ARHGAP30: variants seen among roughly 807,000 people sequenced by gnomAD.
ARHGAP30 encodes Rho GTPase activating protein 30.
A neutral mutation model predicts 72.0 loss-of-function variants in ARHGAP30; 23 were observed. That is an observed-to-expected ratio of 0.32 (90% CI 0.23 to 0.45). The LOEUF (loss-of-function observed/expected upper bound fraction) is 0.45, where lower values mean the gene tolerates loss of function less well. Among genes scored for constraint, ARHGAP30 ranks in the 20% least tolerant of loss-of-function variants. The probability of loss-of-function intolerance (pLI) is 1.00; values close to 1 mark genes in which losing one functional copy is unlikely to be tolerated. For missense variants in ARHGAP30, 1,319 were observed against 1,383.4 expected (o/e 0.95, Z 0.74); for synonymous variants, 576 against 528.2 (o/e 1.09, Z -1.24).
chr1:161,052,687 C>T lies in ARHGAP30; in HGVS notation c.775G>A (p.Ala259Thr). ...LPYHLPSILQ[A>T]GDGPPQMRPY... is the part of the protein sequence containing the mutation. ...CGCATCTGTGGGGGTCCATCGCCAGCCTGCAGTATGCTAGGCAGGTGATAA... is the reference window on the plus strand; with the variant it reads ...CGCATCTGTGGGGGTCCATCGCCAGTCTGCAGTATGCTAGGCAGGTGATAA... The change falls in exon 7 of 12, where the codon GCT becomes ACT. Residue 259 changes from alanine to threonine, a missense_variant. Ala to Thr is a moderately conservative substitution (Grantham distance 58). This residue lies in a region of ARHGAP30 where 222 missense variants were observed against 338.2 expected (regional missense o/e 0.66). Coordinates refer to ENST00000368013, the MANE Select transcript of ARHGAP30 (RefSeq NM_001025598.2). The T allele has an allele frequency of 6.2e-7, 1 of 1,613,676 alleles. No homozygotes were observed. Among genetic ancestry groups the T allele is most frequent in the Non-Finnish European group, 8.5e-7 (1 of 1,179,990 alleles).
At chr1:161,063,865 G>C (rs1166987091) in intron 1 of ARHGAP30, among the ~76,000 whole-genome samples, 1 of 152,110 alleles carries the variant, frequency 6.6e-6, no homozygotes, top group Non-Finnish European at 1.5e-5. Flanking sequence ...ATAAACTCCA[G>C]TCTCCCATAG....
At chr1:161,053,471 T>TCTCTCTCTCTCC (rs1651580695) in intron 5 of ARHGAP30, 86 bp from the exon 6 acceptor site, 1 of 886,558 alleles carries the variant, frequency 1.1e-6, no homozygotes, top group Admixed American at 3.4e-5. Context: ...ATTCTCTCTC[T>TCTCTCTCTCTCC]CTCTCTCTCT....
chr1:161,048,603 C>A lies in ARHGAP30; in HGVS notation c.2418G>T (p.Gly806=), dbSNP rs1651070265. Residue 806 remains glycine (G), a synonymous_variant, in exon 12 of 12, where the codon GGG becomes GGT. Transcript: ENST00000368013. ...CTTGGTCTTTTCTTGCTTCATGGTA[C>A]CCCTTCTCCCTCTGTCCTTTGTCCT... The part of the protein sequence containing the change: ...EDEDKGQREK[G]YHEARKDQGD... The A allele has an allele frequency of 6.2e-7, 1 of 1,613,814 alleles. No homozygotes were observed. Among genetic ancestry groups the A allele is most frequent in the African/African-American group, 1.3e-5 (1 of 74,822 alleles).
chr1:161,051,344 G>C lies in ARHGAP30; in HGVS notation c.1390C>G (p.Pro464Ala). ...HRPSPASGPG[P>A]GPGLGPGPPD... ...GGGCCAGGGCCAAGGCCAGGGCCAG[G>C]GCCAGGGCCAGAGGCAGGGCTTGGC... is the stretch of plus-strand genomic sequence containing the variant. The change falls in exon 10 of 12, where the codon CCT becomes GCT. Residue 464 changes from proline to alanine, a missense_variant. By Grantham distance (27) the Pro-to-Ala change is conservative. This residue lies in a region of ARHGAP30 where 1,097 missense variants were observed against 1,045.2 expected (regional missense o/e 1.05). Coordinates refer to ENST00000368013, the MANE Select transcript of ARHGAP30 (RefSeq NM_001025598.2). 5.0e-6 allele frequency: 8 copies of C among 1,610,530 alleles called. No individual in the cohort carries two copies. The highest frequency in any genetic ancestry group is 6.8e-6 in the Non-Finnish European group (8 of 1,178,188).
intron 7 of ARHGAP30, 39 bp from the exon 8 acceptor site, chr1:161,052,582 T>C (rs374312502): frequency 6.2e-7 from 1 of 1,613,878 alleles, no homozygotes; most frequent in Non-Finnish European, 8.5e-7. Context: ...GGTTGGAACA[T>C]GAAGGTCGGT....
Position 161,052,616 on chromosome 1 carries a change from G to C in ARHGAP30, c.836+10C>G, listed in dbSNP as rs1173104851. 1.9e-6 allele frequency: 3 copies of C among 1,613,818 alleles called. No homozygotes were observed. Among genetic ancestry groups the C allele is most frequent in the African/African-American group, 2.7e-5 (2 of 75,026 alleles). ...GTGCAGGGGAGGAAGGCCCAGGAAG[G>C]AGGCCTTACTTGTGCTCTGCAATCT... On this transcript the variant is annotated intron_variant, in intron 7 of 11. Coordinates refer to ENST00000368013, the MANE Select transcript of ARHGAP30 (RefSeq NM_001025598.2).
intron 3 of ARHGAP30, 56 bp downstream of exon 3, chr1:161,056,332 A>C: frequency 6.3e-7 from 1 of 1,586,306 alleles, no homozygotes; most frequent in Non-Finnish European, 8.6e-7. Flanking sequence ...TGGGATGTCA[A>C]AACCAGGCTG....
chr1:161,066,644 CAAA>C (rs60662116), intron 1 of ARHGAP30, among the ~76,000 whole-genome samples: 18 of 75,078 alleles, frequency 2.4e-4, no homozygotes, highest in African/African-American at 1.1e-3. Context: ...GACTGCATCT[CAAA>C]AAAAAAAAAA....
intron 2 of ARHGAP30, among the ~76,000 whole-genome samples, chr1:161,058,075 C>G (rs373923442): frequency 5.6e-4 from 85 of 151,840 alleles, no homozygotes; most frequent in African/African-American, 1.9e-3. Flanking sequence ...CGCTTGAACC[C>G]GCAAGGTGGA....
At chr1:161,053,658 T>C (rs972591551) in intron 5 of ARHGAP30, among the ~76,000 whole-genome samples, 1 of 152,182 alleles carries the variant, frequency 6.6e-6, no homozygotes, top group African/African-American at 2.4e-5. Flanking sequence ...GTGTCTAGTT[T>C]ATAATGAATT....
In ARHGAP30 at chr1:161,048,769, T is replaced by C. The variant is rs766298821; in HGVS notation, c.2252A>G (p.Glu751Gly). Residue 751 changes from glutamate (E) to glycine (G), a missense_variant, in exon 12 of 12, where the codon GAG becomes GGG. By Grantham distance (98) the Glu-to-Gly change is moderately conservative. Around this residue, in one of 2 missense-constraint regions of ARHGAP30, gnomAD observed 1,097 missense variants for 1,045.2 expected, o/e 1.05. Transcript: ENST00000368013. The stretch of plus-strand genomic sequence containing the variant: ...CTCTCTTTGTTCATCCTCTTCTCTC[T>C]CAATTTCTTTTTCCTTCTCATCTGT... The part of the protein sequence containing the change: ...EYTDEKEKEI[E>G]REEDEQREEA... 16 of 1,614,058 alleles carry C rather than the reference T, an allele frequency of 9.9e-6. No homozygotes were observed. Among genetic ancestry groups the C allele is most frequent in the Non-Finnish European group, 1.3e-5 (15 of 1,180,006 alleles).
At chr1:161,049,362 C>G in intron 11 of ARHGAP30, 28 bp from the exon 12 acceptor site, 1 of 1,603,414 alleles carries the variant, frequency 6.2e-7, no homozygotes, top group Non-Finnish European at 8.5e-7. Context: ...TGACTCAGGA[C>G]CAGGAGGCCC....
Position 161,052,002 on chromosome 1 carries a change from AC to A in ARHGAP30, c.1018+283del, listed in dbSNP as rs779573306. On this transcript the variant is annotated intron_variant, in intron 9 of 11. Transcript: ENST00000368013. Reference sequence around the variant, plus strand: ...CACCACCACCACCACCACCACCACCACCACCACCACCACCACCACCACCACC... The same window carrying A: ...CACCACCACCACCACCACCACCACCACACCACCACCACCACCACCACCACC... 1.2e-3 allele frequency among the ~76,000 whole-genome samples: 44 copies of A among 36,454 alleles called. 2 individuals are homozygous for A. The highest frequency in any genetic ancestry group is 4.3e-3 in the South Asian group (3 of 700). 23.9% of individuals were successfully genotyped at this position (36,454 alleles called of 152,430 possible). A position where few individuals can be genotyped will look rare whatever the true frequency, so the allele number is the denominator to read the frequency against.
At position 161,049,565 on chromosome 1, in the gene ARHGAP30, G is replaced by C. The variant is rs1325525835; in HGVS notation, c.1545C>G (p.Asp515Glu). 6.2e-7 allele frequency: 1 copy of C among 1,614,132 alleles called. No homozygotes were observed. The highest frequency in any genetic ancestry group is 1.1e-5 in the South Asian group (1 of 91,080). Residue 515 changes from aspartate (D) to glutamate (E), a missense_variant, in exon 11 of 12, where the codon GAC becomes GAG. Coordinates refer to ENST00000368013, the MANE Select transcript of ARHGAP30 (RefSeq NM_001025598.2). ...CCCACTCAGGTTCTGAGCTGCTTGA[G>C]TCCTCTAGGAAGGAGAAGGAGTCCT... is the stretch of plus-strand genomic sequence containing the variant. ...EVQDSFSFLE[D>E]SSSSEPEWVG...
Position 161,054,684 on chromosome 1 carries a change from C to G in ARHGAP30, c.367G>C (p.Glu123Gln). The G allele has an allele frequency of 5.0e-6, 8 of 1,613,988 alleles. No individual in the cohort carries two copies. The highest frequency in any genetic ancestry group is 6.8e-6 in the Non-Finnish European group (8 of 1,180,020). The change falls in exon 4 of 12, where the codon GAA becomes CAA. Residue 123 changes from glutamate (E) to glutamine (Q), a missense_variant. Around this residue, in one of 2 missense-constraint regions of ARHGAP30, gnomAD observed 222 missense variants for 338.2 expected, o/e 0.66. Coordinates refer to ENST00000368013, the MANE Select transcript of ARHGAP30 (RefSeq NM_001025598.2). ...KFAEAVGVQLEPERLVKILEV... is the reference protein window; with the variant it reads ...KFAEAVGVQLQPERLVKILEV... ...AGGATCTTGACCAAGCGCTCAGGTTCCAATTGCACTCCTACAGCCTCCTGA... is the reference window on the plus strand; with the variant it reads ...AGGATCTTGACCAAGCGCTCAGGTTGCAATTGCACTCCTACAGCCTCCTGA...
Position 161,051,655 on chromosome 1 carries a change from A to C in ARHGAP30, c.1079T>G (p.Leu360Trp). 1 of 1,612,840 alleles carries C rather than the reference A, an allele frequency of 6.2e-7. No homozygotes were observed. The highest frequency in any genetic ancestry group is 8.5e-7 in the Non-Finnish European group (1 of 1,179,982). Residue 360 changes from leucine (L) to tryptophan (W), a missense_variant, in exon 10 of 12, where the codon TTG (leucine) becomes TGG (tryptophan). Around this residue, in one of 2 missense-constraint regions of ARHGAP30, gnomAD observed 1,097 missense variants for 1,045.2 expected, o/e 1.05. Coordinates refer to ENST00000368013, the MANE Select transcript of ARHGAP30 (RefSeq NM_001025598.2). ...TGCTGCCTCTATAGAATCGTTCTCC[A>C]AGCTCTCAGGCAGCAATGGGCTTGG... ...PRPSPLLPESLENDSIEAAEG... is the reference protein window; with the variant it reads ...PRPSPLLPESWENDSIEAAEG...
At chr1:161,053,115 A>T in intron 6 of ARHGAP30, 143 bp downstream of exon 6, 1 of 1,270,210 alleles carries the variant, frequency 7.9e-7, no homozygotes, top group Non-Finnish European at 1.1e-6. Context: ...TGACTGCACA[A>T]TTATCTCCCC....
Position 161,068,166 on chromosome 1 carries a change from G to A in ARHGAP30, c.97+1362C>T, listed in dbSNP as rs578030859. Among the ~76,000 whole-genome samples, 54 of 152,282 alleles carry A rather than the reference G, an allele frequency of 3.5e-4. No homozygotes were observed. In the Middle Eastern group the frequency reaches 0.014, roughly 38 times the overall value. ...CAGTACCAGGAAAGGCTGAACTGAGGGTTTGCATTGAGCTGGGAGGAGCAC... is the reference window on the plus strand; with the variant it reads ...CAGTACCAGGAAAGGCTGAACTGAGAGTTTGCATTGAGCTGGGAGGAGCAC... On this transcript the variant is annotated intron_variant, in intron 1 of 11. Coordinates refer to ENST00000368013, the MANE Select transcript of ARHGAP30 (RefSeq NM_001025598.2).
At position 161,064,928 on chromosome 1, in the gene ARHGAP30, AGGAAG is replaced by A. The variant is rs530695080; in HGVS notation, c.97+4595_97+4599del. 2.7e-3 allele frequency among the ~76,000 whole-genome samples: 404 copies of A among 150,962 alleles called. 16 individuals carry two copies. The South Asian group carries it at 0.072, about 27-fold the overall frequency. On this transcript the variant is annotated intron_variant, in intron 1 of 11. Coordinates refer to ENST00000368013, the MANE Select transcript of ARHGAP30 (RefSeq NM_001025598.2). ...AGGGAGGGAAGGAAGAGAAAAGGAA[AGGAAG>A]GGAAGGGAAGGGAAGAAGGGAAGGG...
Sources: gnomAD v4.1 joint callset for allele counts (sites outside exome capture counted in the v4.1 genomes callset) on GRCh38, gnomAD v4.1.1 for gene constraint, gnomAD v4.1.1 regional missense constraint, MANE v1.5 for transcripts, NCBI Gene and HGNC (gene_info 2026-07-23, HGNC 2026-07-21) for gene names.